BMP7: variants seen among roughly 807,000 people sequenced by gnomAD.
BMP7 encodes the protein osteogenic protein 1.
BMP7 carries 12 observed loss-of-function variants against 41.2 expected under a neutral mutation model. The ratio of observed to expected loss-of-function variants is 0.29; its 90% CI spans 0.19 to 0.47. The LOEUF (loss-of-function observed/expected upper bound fraction) is 0.47, where lower values mean the gene tolerates loss of function less well. BMP7 is among the 20% of genes least tolerant of loss of function. The pLI, the probability that BMP7 is intolerant of heterozygous loss-of-function variation, is 0.99. For missense variants in BMP7, 467 were observed against 606.0 expected (o/e 0.77, Z 2.41); for synonymous variants, 248 against 250.0 (o/e 0.99, Z 0.07).
At chr20:57,194,389 G>A (rs1323576941) in intron 3 of BMP7, among the ~76,000 whole-genome samples, 2 of 152,144 alleles carry the variant, frequency 1.3e-5, no homozygotes, top group African/African-American at 2.4e-5. Flanking sequence ...GCACAGTCAG[G>A]AACGCATGAT....
At position 57,241,424 on chromosome 20, in the gene BMP7, T is replaced by C. The variant is rs983458904; in HGVS notation, c.419-13003A>G. Among the ~76,000 whole-genome samples, 3 of 152,314 alleles carry C rather than the reference T, an allele frequency of 2.0e-5. No homozygotes were observed. In the East Asian group the frequency reaches 5.8e-4, roughly 29 times the overall value. On this transcript the variant is annotated intron_variant, in intron 1 of 6. Transcript: ENST00000395863. ...CTGACAGCCTGAAGGTTTTGTAGCATTCACCCATCTCCTCATTACCCCTCC... is the reference window on the plus strand; with the variant it reads ...CTGACAGCCTGAAGGTTTTGTAGCACTCACCCATCTCCTCATTACCCCTCC...
At chr20:57,209,515 A>G (rs1399667509) in intron 2 of BMP7, among the ~76,000 whole-genome samples, 5 of 152,088 alleles carry the variant, frequency 3.3e-5, no homozygotes, top group Non-Finnish European at 7.4e-5. Flanking sequence ...AAATGGGGGT[A>G]ACTGTTAGTG....
intron 1 of BMP7, among the ~76,000 whole-genome samples, chr20:57,264,823 G>A (rs2066168610): frequency 6.6e-6 from 1 of 152,128 alleles, no homozygotes; most frequent in African/African-American, 2.4e-5. Flanking sequence ...CCTGAGATCG[G>A]GAGTTCGAGA....
chr20:57,235,599 C>T (rs2865365), intron 1 of BMP7, among the ~76,000 whole-genome samples: 1,789 of 152,224 alleles, frequency 0.012, 29 homozygotes, highest in African/African-American at 0.041. Context: ...GCTGAATGGA[C>T]TCTTAAGGAA....
chr20:57,249,082 T>A (rs1838104540), intron 1 of BMP7, among the ~76,000 whole-genome samples: 1 of 152,080 alleles, frequency 6.6e-6, no homozygotes, highest in Non-Finnish European at 1.5e-5. Flanking sequence ...ATTACAGGCA[T>A]GAGCCACCAC....
At chr20:57,247,932 TAAAAC>T (rs1043873474) in intron 1 of BMP7, among the ~76,000 whole-genome samples, 23 of 152,302 alleles carry the variant, frequency 1.5e-4, no homozygotes, top group Admixed American at 1.3e-3. Flanking sequence ...GTTATGTTAA[TAAAAC>T]AAAGCTTGTT....
chr20:57,172,585 G>C (rs769404004), intron 6 of BMP7, among the ~76,000 whole-genome samples: 13 of 152,074 alleles, frequency 8.5e-5, no homozygotes, highest in Non-Finnish European at 1.5e-4. Flanking sequence ...CATAACCAAG[G>C]TCCTTGAACC....
chr20:57,218,450 T>A (rs1262555681), intron 2 of BMP7, among the ~76,000 whole-genome samples: 1 of 149,372 alleles, frequency 6.7e-6, no homozygotes, highest in Admixed American at 6.7e-5. Context: ...TGGTGGTAGC[T>A]GGTGTTTCTT....
At chr20:57,209,758 C>T (rs1984836608) in intron 2 of BMP7, among the ~76,000 whole-genome samples, 1 of 152,184 alleles carries the variant, frequency 6.6e-6, no homozygotes, top group South Asian at 2.1e-4. Context: ...TACACGCATA[C>T]ACACCAGAGT....
intron 1 of BMP7, among the ~76,000 whole-genome samples, chr20:57,255,171 G>T (rs1038003400): frequency 1.2e-4 from 19 of 152,044 alleles, no homozygotes; most frequent in Non-Finnish European, 4.4e-5. Context: ...CTACCTATTC[G>T]ATACCCCACA....
intron 1 of BMP7, among the ~76,000 whole-genome samples, chr20:57,236,891 C>A (rs1256351101): frequency 6.6e-6 from 1 of 152,198 alleles, no homozygotes; most frequent in African/African-American, 2.4e-5. Context: ...GACGTTCTCC[C>A]AGCCAGGGCT....
intron 1 of BMP7, among the ~76,000 whole-genome samples, chr20:57,254,472 G>T (rs1196110488): frequency 6.6e-6 from 1 of 151,974 alleles, no homozygotes; most frequent in East Asian, 1.9e-4. Context: ...TGTGTCCATG[G>T]TATTACTGCA....
chr20:57,205,098 G>A (rs1739890600), intron 2 of BMP7, among the ~76,000 whole-genome samples: 1 of 152,150 alleles, frequency 6.6e-6, no homozygotes, highest in Non-Finnish European at 1.5e-5. Context: ...CCTAGATCTT[G>A]GACTTCCCAG....
At chr20:57,257,824 CAA>C (rs139904463) in intron 1 of BMP7, among the ~76,000 whole-genome samples, 22,435 of 103,092 alleles carry the variant, frequency 0.22, 1,850 homozygotes, top group Middle Eastern at 0.3. Context: ...CACAAGCCAC[CAA>C]AAAAAAAAAA....
At chr20:57,208,003 G>A (rs1190638831) in intron 2 of BMP7, among the ~76,000 whole-genome samples, 5 of 151,534 alleles carry the variant, frequency 3.3e-5, no homozygotes, top group African/African-American at 9.7e-5. Flanking sequence ...CTAATTTTTT[G>A]TATTTTTAGT....
intron 2 of BMP7, among the ~76,000 whole-genome samples, chr20:57,227,953 G>A (rs2066013808): frequency 6.6e-6 from 1 of 152,012 alleles, no homozygotes; most frequent in South Asian, 2.1e-4. Flanking sequence ...TTTCTTCTAT[G>A]TCCCTTAGCA....
rs1000878840 is a variant in BMP7 at position 57,169,580 on chromosome 20, G to A, written c.*1379C>T. 3 of 152,206 alleles carry A rather than the reference G, an allele frequency of 2.0e-5. No individual in the cohort carries two copies. Among genetic ancestry groups the A allele is most frequent in the African/African-American group, 7.2e-5 (3 of 41,440 alleles). 9.4% of individuals were successfully genotyped at this position (152,206 alleles called of 1,614,324 possible). On this transcript the variant is annotated 3_prime_UTR_variant, in exon 7 of 7. Transcript: ENST00000395863. ...TGCCATCTCCCCCTTAATTCAAGGA[G>A]CAAATTTGTTTGCAGAGACTTCTGA...
chr20:57,217,524 G>T (rs560162884), intron 2 of BMP7, among the ~76,000 whole-genome samples: 1 of 152,342 alleles, frequency 6.6e-6, no homozygotes, highest in East Asian at 1.9e-4. Context: ...AAGTTCAGAA[G>T]ACATCGAGCC....
At chr20:57,265,361 G>A (rs1301747613) in intron 1 of BMP7, among the ~76,000 whole-genome samples, 1 of 152,180 alleles carries the variant, frequency 6.6e-6, no homozygotes, top group Non-Finnish European at 1.5e-5. Flanking sequence ...TCCAGGTAGC[G>A]CGAGCCGCGC....
Sources: gnomAD v4.1 joint callset for allele counts (sites outside exome capture counted in the v4.1 genomes callset) on GRCh38, gnomAD v4.1.1 for gene constraint, MANE v1.5 for transcripts, NCBI Gene and HGNC (gene_info 2026-07-23, HGNC 2026-07-21) for gene names.